CRPPA: variants seen among roughly 807,000 people sequenced by gnomAD.
CRPPA encodes the protein CDP-L-ribitol pyrophosphorylase A, also known as D-ribitol-5-phosphate cytidylyltransferase.
In CRPPA, 43 loss-of-function variants were observed where a neutral mutation model predicts 52.0. That is an observed-to-expected ratio of 0.83 (90% CI 0.65 to 1.07). CRPPA has a LOEUF of 1.07. Ranked by LOEUF, CRPPA falls within the 50% of genes least tolerant of loss-of-function variation. The probability of loss-of-function intolerance (pLI) is 0.00; values close to 1 mark genes in which losing one functional copy is unlikely to be tolerated. For missense variants in CRPPA, 629 were observed against 551.7 expected (o/e 1.14, Z -1.40); for synonymous variants, 250 against 203.5 (o/e 1.23, Z -1.94).
intron 3 of CRPPA, among the ~76,000 whole-genome samples, chr7:16,368,900 T>C (rs74715334): frequency 0.017 from 2,661 of 152,316 alleles, 62 homozygotes; most frequent in African/African-American, 0.049. Flanking sequence ...GTACTTAATA[T>C]ATGCACATAT....
At chr7:16,104,897 C>A in intron 9 of CRPPA, among the ~76,000 whole-genome samples, 1 of 142,916 alleles carries the variant, frequency 7.0e-6, no homozygotes, top group African/African-American at 2.8e-5. Context: ...GAGACTCCAT[C>A]TCAAAGAAAA....
intron 3 of CRPPA, among the ~76,000 whole-genome samples, chr7:16,318,619 C>T (rs1439873858): frequency 1.3e-5 from 2 of 152,172 alleles, no homozygotes; most frequent in African/African-American, 4.8e-5. Context: ...GCTGTGAGAG[C>T]TCTGCTCCTT....
intron 9 of CRPPA, among the ~76,000 whole-genome samples, chr7:16,111,962 G>A (rs1455393283): frequency 6.6e-6 from 1 of 152,148 alleles, no homozygotes; most frequent in Non-Finnish European, 1.5e-5. Flanking sequence ...ATGTTAACTA[G>A]ATTGATTTAA....
intron 1 of CRPPA, among the ~76,000 whole-genome samples, chr7:16,414,710 C>T (rs1788154710): frequency 6.6e-6 from 1 of 152,160 alleles, no homozygotes; most frequent in Non-Finnish European, 1.5e-5. Flanking sequence ...CTAAGATTCC[C>T]TTTAGTTTAT....
At chr7:16,254,792 G>GAAAGAAAGAAGGAAA (rs1783573898) in intron 8 of CRPPA, among the ~76,000 whole-genome samples, 126 of 101,740 alleles carry the variant, frequency 1.2e-3, no homozygotes, top group Non-Finnish European at 1.9e-3. Context: ...AAAGAAAGAA[G>GAAAGAAAGAAGGAAA]GAAAGAAAGA....
At chr7:16,203,612 T>C (rs946731053) in intron 9 of CRPPA, among the ~76,000 whole-genome samples, 9 of 152,116 alleles carry the variant, frequency 5.9e-5, no homozygotes, top group South Asian at 2.1e-4. Context: ...TGGGTATAGA[T>C]AGGGATGAGG....
intron 8 of CRPPA, among the ~76,000 whole-genome samples, chr7:16,218,081 A>G (rs1782381292): frequency 6.6e-6 from 1 of 152,176 alleles, no homozygotes. Flanking sequence ...CATCAGACTA[A>G]CAGCAGATCT....
intron 9 of CRPPA, among the ~76,000 whole-genome samples, chr7:16,154,447 T>C (rs913670752): frequency 2.0e-5 from 3 of 152,166 alleles, no homozygotes. Flanking sequence ...GGGTACATTT[T>C]AAGGACTTGA....
intron 9 of CRPPA, among the ~76,000 whole-genome samples, chr7:16,136,855 T>C (rs933251519): frequency 3.9e-5 from 6 of 151,928 alleles, no homozygotes; most frequent in African/African-American, 1.4e-4. Context: ...TTAAAATTTA[T>C]GTCTAGATTA....
intron 4 of CRPPA, among the ~76,000 whole-genome samples, chr7:16,306,925 A>G (rs1280985814): frequency 6.6e-6 from 1 of 151,888 alleles, no homozygotes; most frequent in Non-Finnish European, 1.5e-5. Flanking sequence ...TTTCTCTACC[A>G]GGCAATACTT....
intron 2 of CRPPA, among the ~76,000 whole-genome samples, chr7:16,401,525 T>G (rs17169466): frequency 0.026 from 3,924 of 152,266 alleles, 71 homozygotes; most frequent in East Asian, 0.13. Context: ...GATATACCAG[T>G]AACTTAGAAA....
chr7:16,209,477 G>A (rs13438329), intron 9 of CRPPA, among the ~76,000 whole-genome samples: 9,368 of 151,950 alleles, frequency 0.062, 752 homozygotes, highest in East Asian at 0.3. Flanking sequence ...TCACAATGTT[G>A]GCCAGATTGG....
At chr7:16,201,648 C>T (rs1259113663) in intron 9 of CRPPA, among the ~76,000 whole-genome samples, 1 of 152,012 alleles carries the variant, frequency 6.6e-6, no homozygotes, top group Non-Finnish European at 1.5e-5. Context: ...TGGAACTTGC[C>T]GAACCGTGGG....
chr7:16,327,697 C>T (rs1239175339), intron 3 of CRPPA, among the ~76,000 whole-genome samples: 4 of 150,290 alleles, frequency 2.7e-5, no homozygotes, highest in Non-Finnish European at 5.9e-5. Flanking sequence ...TTCCTACATT[C>T]ATACATTCAA....
At chr7:16,293,251 G>C (rs1243481935) in intron 5 of CRPPA, among the ~76,000 whole-genome samples, 1 of 151,916 alleles carries the variant, frequency 6.6e-6, no homozygotes, top group East Asian at 1.9e-4. Flanking sequence ...ATGGTCCACT[G>C]TACTGACCTC....
intron 8 of CRPPA, among the ~76,000 whole-genome samples, chr7:16,225,578 T>A (rs1782626479): frequency 6.6e-6 from 1 of 151,990 alleles, no homozygotes; most frequent in African/African-American, 2.4e-5. Context: ...AGCAGGTATA[T>A]GCTTCTCCAA....
intron 9 of CRPPA, among the ~76,000 whole-genome samples, chr7:16,151,313 A>G (rs1284862212): frequency 6.6e-6 from 1 of 152,166 alleles, no homozygotes. Flanking sequence ...TGAAATCATC[A>G]ATTTAGCAAA....
At chr7:16,320,832 A>G (rs1785248783) in intron 3 of CRPPA, among the ~76,000 whole-genome samples, 1 of 152,164 alleles carries the variant, frequency 6.6e-6, no homozygotes, top group Non-Finnish European at 1.5e-5. Context: ...ACAGTTATCC[A>G]AGCAGCTTTG....
At chr7:16,123,101 T>A (rs1782509353) in intron 9 of CRPPA, among the ~76,000 whole-genome samples, 2 of 152,190 alleles carry the variant, frequency 1.3e-5, no homozygotes, top group South Asian at 4.1e-4. Flanking sequence ...ACTTTTAATA[T>A]CTTATAGTTT....
Sources: gnomAD v4.1 joint callset for allele counts (sites outside exome capture counted in the v4.1 genomes callset) on GRCh38, gnomAD v4.1.1 for gene constraint, MANE v1.5 for transcripts, NCBI Gene and HGNC (gene_info 2026-07-23, HGNC 2026-07-21) for gene names.